Variants in RAB28 observed in about 807,000 individuals in gnomAD.
RAB28 encodes the protein ras-related protein Rab-28.
Under a neutral mutation model 31.7 loss-of-function variants are expected in RAB28, and 24 were observed. The ratio of observed to expected loss-of-function variants is 0.76; its 90% CI spans 0.55 to 1.06. The LOEUF (loss-of-function observed/expected upper bound fraction) is 1.06. Ranked by LOEUF, RAB28 falls within the 50% of genes least tolerant of loss-of-function variation. RAB28 has a pLI of 0.00. For synonymous variants in RAB28, 100 were observed against 90.4 expected (o/e 1.11, Z -0.60); for missense variants, 254 against 258.5 (o/e 0.98, Z 0.12).
chr4:13,399,410 T>TA (rs1217340556), intron 4 of RAB28, among the ~76,000 whole-genome samples: 2 of 152,244 alleles, frequency 1.3e-5, no homozygotes, highest in African/African-American at 2.4e-5. Flanking sequence ...TGAATATTCT[T>TA]ACTCAGTACA....
intron 4 of RAB28, among the ~76,000 whole-genome samples, chr4:13,431,077 A>G: frequency 6.6e-6 from 1 of 152,214 alleles, no homozygotes; most frequent in East Asian, 1.9e-4. Context: ...CCGTCAGCCC[A>G]TGACCACTCA....
chr4:13,369,999 A>G, intron 6 of RAB28: 1 of 1,589,148 alleles, frequency 6.3e-7, no homozygotes, highest in Non-Finnish European at 8.5e-7. Flanking sequence ...TGAGACAAAG[A>G]AAAAAGAATT....
In RAB28 at chr4:13,368,171, C is replaced by T. The variant is rs1272585056; in HGVS notation, c.*387G>A. 6 of 988,032 alleles carry T rather than the reference C, an allele frequency of 6.1e-6. No individual in the cohort carries two copies. The highest frequency in any genetic ancestry group is 4.7e-5 in the South Asian group (1 of 21,412). The allele number at this position is 988,032 out of a possible 1,614,324, so 61.2% of individuals were successfully genotyped here. A position where few individuals can be genotyped will look rare whatever the true frequency, so the allele number is the denominator to read the frequency against. Reference sequence around the variant, plus strand: ...AGTATACTTTGACACATACAAGTTCCGATAAGAGAATGAAATTGCTGTGGC... The same window carrying T: ...AGTATACTTTGACACATACAAGTTCTGATAAGAGAATGAAATTGCTGTGGC... On this transcript the variant is annotated 3_prime_UTR_variant, in exon 7 of 7. Transcript: ENST00000330852.
chr4:13,374,416 T>G (rs1728841335), intron 6 of RAB28, among the ~76,000 whole-genome samples: 2 of 152,120 alleles, frequency 1.3e-5, no homozygotes, highest in Admixed American at 1.3e-4. Context: ...TTAATAAAGC[T>G]TCCCCCAAAT....
At chr4:13,482,715 A>T (rs1250679358) in intron 1 of RAB28, among the ~76,000 whole-genome samples, 59 of 152,346 alleles carry the variant, frequency 3.9e-4, no homozygotes, top group Non-Finnish European at 2.9e-5. Context: ...GTTTAAAGGT[A>T]ATCAGAGCAT....
intron 5 of RAB28, among the ~76,000 whole-genome samples, chr4:13,380,256 T>C (rs1285011399): frequency 6.6e-6 from 1 of 152,136 alleles, no homozygotes; most frequent in Non-Finnish European, 1.5e-5. Flanking sequence ...CATCATATTA[T>C]TTATTTTAGG....
At chr4:13,393,302 C>A (rs866722099) in intron 4 of RAB28, among the ~76,000 whole-genome samples, 10 of 152,148 alleles carry the variant, frequency 6.6e-5, no homozygotes, top group African/African-American at 2.2e-4. Context: ...AGAGGATGTA[C>A]ATTCTTCTCA....
Position 13,460,830 on chromosome 4 carries a change from T to G in RAB28, c.262-2A>C. On this transcript the variant is annotated splice_acceptor_variant, in intron 3 of 6. Transcript: ENST00000330852. LOFTEE classifies it high-confidence loss of function. ...AATATCATATACCAAGAGGACTCCC[T>G]GTCACAAAAGAGTTACAAAATATCT... is the stretch of plus-strand genomic sequence containing the variant. The G allele has an allele frequency of 6.2e-7, 1 of 1,609,052 alleles. No individual in the cohort carries two copies. The highest frequency in any genetic ancestry group is 8.5e-7 in the Non-Finnish European group (1 of 1,177,318).
At chr4:13,451,510 T>G (rs1001232997) in intron 4 of RAB28, among the ~76,000 whole-genome samples, 1 of 151,704 alleles carries the variant, frequency 6.6e-6, no homozygotes, top group African/African-American at 2.4e-5. Flanking sequence ...TTACAAATAT[T>G]TTTTCCCAAT....
In RAB28 at chr4:13,474,328, T is replaced by C. The variant is rs762836870; in HGVS notation, c.251A>G (p.Tyr84Cys). The C allele has an allele frequency of 2.0e-5, 32 of 1,584,624 alleles. No individual in the cohort carries two copies. The highest frequency in any genetic ancestry group is 1.7e-4 in the Middle Eastern group (1 of 5,992). ...GAATTCATATCATACCTGTGCTCCA[T>C]AGATATATTTATCCAACATTTTGCC... ...IGGKMLDKYI[Y>C]GAQGVLLVYD... Residue 84 changes from tyrosine to cysteine, a missense_variant, in exon 3 of 7, where the codon TAT becomes TGT. By Grantham distance (194) the Tyr-to-Cys change is radical. Coordinates refer to ENST00000330852, the MANE Select transcript of RAB28 (RefSeq NM_001017979.3).
chr4:13,454,614 A>T (rs1250942163), intron 4 of RAB28, among the ~76,000 whole-genome samples: 1 of 152,168 alleles, frequency 6.6e-6, no homozygotes, highest in Non-Finnish European at 1.5e-5. Flanking sequence ...CATGACATTT[A>T]TGAGTAGCTC....
chr4:13,421,491 C>T (rs1268042736), intron 4 of RAB28, among the ~76,000 whole-genome samples: 1 of 152,182 alleles, frequency 6.6e-6, no homozygotes, highest in Non-Finnish European at 1.5e-5. Flanking sequence ...CATCATGCTA[C>T]CTGACTTCAA....
At chr4:13,417,931 G>A (rs140636766) in intron 4 of RAB28, among the ~76,000 whole-genome samples, 1 of 152,124 alleles carries the variant, frequency 6.6e-6, no homozygotes, top group African/African-American at 2.4e-5. Context: ...GCTTCAGAAG[G>A]TTGGTAATAA....
intron 1 of RAB28, among the ~76,000 whole-genome samples, chr4:13,483,395 C>A (rs186209041): frequency 0.028 from 4,319 of 152,254 alleles, 90 homozygotes; most frequent in South Asian, 0.059. Flanking sequence ...TGACTGACTG[C>A]TTGTATCGAG....
intron 4 of RAB28, among the ~76,000 whole-genome samples, chr4:13,405,759 T>C (rs1712042765): frequency 1.3e-5 from 2 of 152,142 alleles, no homozygotes; most frequent in African/African-American, 4.8e-5. Context: ...CAAATAAACA[T>C]TATAGCTTTT....
chr4:13,468,543 C>T (rs965485424), intron 3 of RAB28, among the ~76,000 whole-genome samples: 2 of 151,152 alleles, frequency 1.3e-5, no homozygotes, highest in African/African-American at 2.4e-5. Context: ...ACATATGCAA[C>T]CTACCAAAAC....
chr4:13,376,019 A>G (rs1255829127), intron 6 of RAB28, among the ~76,000 whole-genome samples: 1 of 152,150 alleles, frequency 6.6e-6, no homozygotes, highest in Non-Finnish European at 1.5e-5. Context: ...TATCAAACAT[A>G]TGAATTAGTG....
intron 4 of RAB28, among the ~76,000 whole-genome samples, chr4:13,427,811 A>G (rs1479406305): frequency 1.3e-5 from 2 of 152,140 alleles, no homozygotes; most frequent in Admixed American, 6.5e-5. Context: ...ACACTTTTGG[A>G]ATGGGGCTAA....
intron 4 of RAB28, among the ~76,000 whole-genome samples, chr4:13,456,991 C>CCT (rs1560139800): frequency 6.6e-6 from 1 of 151,842 alleles, no homozygotes; most frequent in East Asian, 1.9e-4. Flanking sequence ...GTGTATTCAC[C>CCT]CTCTCTTTTT....
Sources: gnomAD v4.1 joint callset for allele counts (sites outside exome capture counted in the v4.1 genomes callset) on GRCh38, gnomAD v4.1.1 for gene constraint, MANE v1.5 for transcripts, NCBI Gene and HGNC (gene_info 2026-07-23, HGNC 2026-07-21) for gene names.